CDH2: variants seen among roughly 807,000 people sequenced by gnomAD.
CDH2 encodes the protein cadherin 2, also known as cadherin-2.
In CDH2, 17 loss-of-function variants were observed where a neutral mutation model predicts 92.0. The observed-to-expected ratio is 0.18, with a 90% CI of 0.13 to 0.28. The LOEUF (loss-of-function observed/expected upper bound fraction) is 0.28. CDH2 is among the 10% of genes least tolerant of loss of function. The pLI is 1.00. For synonymous variants in CDH2, 419 were observed against 415.9 expected (o/e 1.01, Z -0.09); for missense variants, 862 against 1,133.1 (o/e 0.76, Z 3.44).
chr18:27,972,346 A>G (rs895367696), intron 14 of CDH2, among the ~76,000 whole-genome samples: 3 of 152,094 alleles, frequency 2.0e-5, no homozygotes, highest in African/African-American at 7.2e-5. Flanking sequence ...AGCCAGTAAC[A>G]CCTCCTGCCT....
In CDH2 at chr18:28,003,095, T is replaced by A. The variant is rs1431008052; in HGVS notation, c.922A>T (p.Ile308Phe). The A allele has an allele frequency of 6.2e-7, 1 of 1,613,874 alleles. No homozygotes were observed. Among genetic ancestry groups the A allele is most frequent in the Non-Finnish European group, 8.5e-7 (1 of 1,179,804 alleles). Residue 308 changes from isoleucine (I) to phenylalanine (F), a missense_variant, in exon 7 of 16, where the codon ATC becomes TTC. Around this residue, in one of 5 missense-constraint regions of CDH2, gnomAD observed 564 missense variants for 722.2 expected, o/e 0.78. Coordinates refer to ENST00000269141, the MANE Select transcript of CDH2 (RefSeq NM_001792.5). ...GGGGTGCTTGGAGCCTGAGACACGA[T>A]TCTGTACCTCAACATCCCATTGAGG... ...NALNGMLRYRIVSQAPSTPSP... is the reference protein window; with the variant it reads ...NALNGMLRYRFVSQAPSTPSP...
chr18:28,035,392 G>A (rs545239458), intron 2 of CDH2, among the ~76,000 whole-genome samples: 4 of 151,908 alleles, frequency 2.6e-5, no homozygotes, highest in Admixed American at 6.6e-5. Context: ...AAGCAACTTT[G>A]CTGAATATCT....
intron 2 of CDH2, among the ~76,000 whole-genome samples, chr18:28,022,132 A>C (rs1470960995): frequency 6.6e-6 from 1 of 152,072 alleles, no homozygotes; most frequent in Non-Finnish European, 1.5e-5. Flanking sequence ...TCTGAAAAAA[A>C]ATCTGCTTAG....
intron 2 of CDH2, among the ~76,000 whole-genome samples, chr18:28,027,629 A>C (rs1313727583): frequency 6.6e-6 from 1 of 152,178 alleles, no homozygotes; most frequent in African/African-American, 2.4e-5. Context: ...CTATGCATAC[A>C]ATTTTATATA....
intron 14 of CDH2, among the ~76,000 whole-genome samples, chr18:27,976,841 A>G (rs1417657861): frequency 6.6e-6 from 1 of 152,212 alleles, no homozygotes; most frequent in Non-Finnish European, 1.5e-5. Context: ...GTTTGTAATT[A>G]AGTCTAAGCC....
At chr18:27,983,180 A>T (rs1418553243) in intron 13 of CDH2, 97 bp from the exon 14 acceptor site, 3 of 863,476 alleles carry the variant, frequency 3.5e-6, no homozygotes, top group Non-Finnish European at 5.3e-6. Flanking sequence ...TACTTATATG[A>T]ACTGAAGGCC....
intron 1 of CDH2, 57 bp from the exon 2 acceptor site, chr18:28,147,841 G>A: frequency 1.0e-6 from 1 of 962,560 alleles, no homozygotes; most frequent in Non-Finnish European, 1.6e-6. Context: ...TCCTTCAACT[G>A]AGAAACATTC....
chr18:28,177,115 G>T lies in CDH2; in HGVS notation c.-93C>A. On this transcript the variant is annotated 5_prime_UTR_variant, in exon 1 of 16. Coordinates refer to ENST00000269141, the MANE Select transcript of CDH2 (RefSeq NM_001792.5). ...AGGAGGCAGCGGCAGCACCAACAGC[G>T]GCGCGGAGAAACGGCTCCAGGCAGT... is the stretch of plus-strand genomic sequence containing the variant. The T allele has an allele frequency of 1.1e-6, 1 of 943,810 alleles. No homozygotes were observed. The highest frequency in any genetic ancestry group is 1.5e-6 in the Non-Finnish European group (1 of 651,008). 58.5% of individuals were successfully genotyped at this position (943,810 alleles called of 1,614,324 possible). A position where few individuals can be genotyped will look rare whatever the true frequency, so the allele number is the denominator to read the frequency against.
At chr18:28,127,458 G>A (rs961941017) in intron 2 of CDH2, among the ~76,000 whole-genome samples, 11 of 152,156 alleles carry the variant, frequency 7.2e-5, no homozygotes, top group Non-Finnish European at 1.3e-4. Context: ...AAGGCCCTGC[G>A]GCAAAGGGAA....
At chr18:27,983,961 A>C (rs1426062015) in intron 13 of CDH2, among the ~76,000 whole-genome samples, 4 of 152,184 alleles carry the variant, frequency 2.6e-5, no homozygotes, top group African/African-American at 9.7e-5. Context: ...CTCCTATTGG[A>C]GCACATTTTT....
intron 10 of CDH2, 72 bp downstream of exon 10, chr18:27,990,025 G>C (rs1452166094): frequency 7.7e-7 from 1 of 1,305,314 alleles, no homozygotes; most frequent in Non-Finnish European, 1.1e-6. Flanking sequence ...CTCAAATAGT[G>C]AATTAGATAA....
intron 2 of CDH2, among the ~76,000 whole-genome samples, chr18:28,101,947 G>A (rs1220024): frequency 0.82 from 124,892 of 152,022 alleles, 51,568 homozygotes; most frequent in African/African-American, 0.87. Context: ...CTCCATCTCT[G>A]CCTACATCTC....
At chr18:28,042,586 T>C (rs17468394) in intron 2 of CDH2, among the ~76,000 whole-genome samples, 3,400 of 152,302 alleles carry the variant, frequency 0.022, 64 homozygotes, top group Middle Eastern at 0.037. Context: ...GTACCTATTA[T>C]GTTCCAGGCA....
chr18:28,149,263 G>C (rs2016085193), intron 1 of CDH2, among the ~76,000 whole-genome samples: 1 of 152,144 alleles, frequency 6.6e-6, no homozygotes, highest in South Asian at 2.1e-4. Flanking sequence ...TAATAGCAGA[G>C]ATTCTGTACA....
chr18:28,069,834 GT>G (rs2014581841), intron 2 of CDH2, among the ~76,000 whole-genome samples: 1 of 152,006 alleles, frequency 6.6e-6, no homozygotes, highest in African/African-American at 2.4e-5. Flanking sequence ...TTGGGAACTG[GT>G]TGTTTAAACT....
chr18:27,936,586 G>A (rs1909025358), intron 6 of CDH2, among the ~76,000 whole-genome samples: 1 of 152,162 alleles, frequency 6.6e-6, no homozygotes. Flanking sequence ...CCAGAGTGCA[G>A]TGGTGCTATC....
chr18:28,077,602 TAGTG>T (rs1404673061), intron 2 of CDH2, among the ~76,000 whole-genome samples: 1 of 151,670 alleles, frequency 6.6e-6, no homozygotes, highest in East Asian at 1.9e-4. Context: ...GAAAAAGAAA[TAGTG>T]AGGGCCAGGC....
chr18:28,164,988 G>C (rs892057884), intron 1 of CDH2, among the ~76,000 whole-genome samples: 1 of 152,196 alleles, frequency 6.6e-6, no homozygotes, highest in African/African-American at 2.4e-5. Context: ...GGTAGTCCCT[G>C]CTGAGCTATA....
chr18:28,148,511 G>A (rs2016072900), intron 1 of CDH2, among the ~76,000 whole-genome samples: 1 of 152,154 alleles, frequency 6.6e-6, no homozygotes, highest in Non-Finnish European at 1.5e-5. Context: ...AACCCTCCAA[G>A]TTAGTTGCCC....
Sources: allele counts gnomAD v4.1 joint callset (sites outside exome capture counted in the v4.1 genomes callset), GRCh38; gene constraint gnomAD v4.1.1; regional missense constraint gnomAD v4.1.1; transcripts MANE v1.5; gene names NCBI Gene and HGNC (gene_info 2026-07-23, HGNC 2026-07-21).